Variants in PCDH9 observed in about 807,000 individuals in gnomAD.
PCDH9 encodes the protein protocadherin-9.
A neutral mutation model predicts 70.6 loss-of-function variants in PCDH9; 24 were observed. That is an observed-to-expected ratio of 0.34 (90% CI 0.25 to 0.48). The LOEUF (loss-of-function observed/expected upper bound fraction) is 0.48. PCDH9 is among the 20% of genes least tolerant of loss of function. The pLI is 0.99. For synonymous variants in PCDH9, 562 were observed against 558.5 expected (o/e 1.01, Z -0.09); for missense variants, 1,281 against 1,503.6 (o/e 0.85, Z 2.45).
At chr13:66,638,049 A>G (rs904844758) in intron 3 of PCDH9, among the ~76,000 whole-genome samples, 2 of 152,188 alleles carry the variant, frequency 1.3e-5, no homozygotes, top group Non-Finnish European at 2.9e-5. Flanking sequence ...CTGATTTCCA[A>G]TATAAAGGTA....
intron 2 of PCDH9, among the ~76,000 whole-genome samples, chr13:67,041,529 C>A (rs1266563362): frequency 6.6e-6 from 1 of 152,034 alleles, no homozygotes; most frequent in African/African-American, 2.4e-5. Flanking sequence ...AAACAGGTAC[C>A]CTAAGACTGT....
chr13:66,391,237 C>T (rs906750516), intron 4 of PCDH9, among the ~76,000 whole-genome samples: 3 of 152,166 alleles, frequency 2.0e-5, no homozygotes, highest in Admixed American at 6.5e-5. Context: ...TTGTGCTACA[C>T]TAAGTGATCA....
chr13:67,100,580 A>T (rs1323376905), intron 2 of PCDH9, among the ~76,000 whole-genome samples: 1 of 152,252 alleles, frequency 6.6e-6, no homozygotes, highest in African/African-American at 2.4e-5. Context: ...AAACTGAAGA[A>T]ATAAGCACAA....
intron 4 of PCDH9, among the ~76,000 whole-genome samples, chr13:66,410,269 T>C (rs1957346882): frequency 1.3e-5 from 2 of 152,024 alleles, no homozygotes. Context: ...TGGAGAAATG[T>C]GATTCTCTAT....
chr13:66,694,707 C>A (rs1438198746), intron 3 of PCDH9, among the ~76,000 whole-genome samples: 1 of 151,604 alleles, frequency 6.6e-6, no homozygotes, highest in African/African-American at 2.4e-5. Flanking sequence ...ACTGTGATAT[C>A]ATATATATTG....
chr13:66,646,476 G>A (rs954135179), intron 3 of PCDH9, among the ~76,000 whole-genome samples: 3 of 152,198 alleles, frequency 2.0e-5, no homozygotes, highest in South Asian at 2.1e-4. Flanking sequence ...CTTAGCACAC[G>A]ACAAGAAATA....
rs1381429967 is a variant in PCDH9 at position 67,107,790 on chromosome 13, C to G, written c.3036+117615G>C. Among the ~76,000 whole-genome samples, 3 of 152,312 alleles carry G rather than the reference C, an allele frequency of 2.0e-5. No individual in the cohort carries two copies. The East Asian group carries it at 5.8e-4, about 29-fold the overall frequency. ...CAGGGCTGAAATGCCCCCTTGCTCACCATATTGCAGGCAACAAGGAGAGAA... is the reference window on the plus strand; with the variant it reads ...CAGGGCTGAAATGCCCCCTTGCTCAGCATATTGCAGGCAACAAGGAGAGAA... On this transcript the variant is annotated intron_variant, in intron 2 of 4. Coordinates refer to ENST00000377865, the MANE Select transcript of PCDH9 (RefSeq NM_203487.3).
chr13:66,316,631 G>T (rs1955655804), intron 4 of PCDH9, among the ~76,000 whole-genome samples: 1 of 152,176 alleles, frequency 6.6e-6, no homozygotes, highest in African/African-American at 2.4e-5. Flanking sequence ...TTCACTTCAT[G>T]TAGGTGTCCT....
chr13:66,795,478 G>C lies in PCDH9; in HGVS notation c.3138+108026C>G, dbSNP rs149240922. Among the ~76,000 whole-genome samples, 262 of 152,080 alleles carry C rather than the reference G, an allele frequency of 1.7e-3. 6 individuals carry two copies. The highest frequency in any genetic ancestry group is 6.0e-3 in the African/African-American group (249 of 41,486). ...TAGCTTTAATTAATTAATTCCAGCC[G>C]ATATATGACTGGGGGAAAATATCAC... is the stretch of plus-strand genomic sequence containing the variant. On this transcript the variant is annotated intron_variant, in intron 3 of 4. Coordinates refer to ENST00000377865, the MANE Select transcript of PCDH9 (RefSeq NM_203487.3).
intron 3 of PCDH9, among the ~76,000 whole-genome samples, chr13:66,689,214 T>TA (rs1479752517): frequency 6.6e-6 from 1 of 152,078 alleles, no homozygotes; most frequent in African/African-American, 2.4e-5. Flanking sequence ...ACAGGCTATT[T>TA]AAAAAAGACT....
intron 4 of PCDH9, among the ~76,000 whole-genome samples, chr13:66,400,518 T>A (rs1957168163): frequency 6.6e-6 from 1 of 152,188 alleles, no homozygotes; most frequent in Admixed American, 6.5e-5. Context: ...TCATACTATA[T>A]CCAGATACCT....
At chr13:67,088,750 T>C (rs1321181167) in intron 2 of PCDH9, among the ~76,000 whole-genome samples, 2 of 152,060 alleles carry the variant, frequency 1.3e-5, no homozygotes, top group Non-Finnish European at 2.9e-5. Context: ...TGTCCTAAGT[T>C]CTGTAACATC....
chr13:66,641,042 T>G (rs1351384811), intron 3 of PCDH9, among the ~76,000 whole-genome samples: 9 of 152,086 alleles, frequency 5.9e-5, no homozygotes, highest in African/African-American at 2.2e-4. Context: ...ATTCAGCTAA[T>G]TTTTGTATTT....
At chr13:66,380,384 C>T (rs993639007) in intron 4 of PCDH9, among the ~76,000 whole-genome samples, 3 of 151,864 alleles carry the variant, frequency 2.0e-5, no homozygotes, top group Admixed American at 6.6e-5. Flanking sequence ...TTTCCTTAAG[C>T]GTTCACACTG....
intron 4 of PCDH9, among the ~76,000 whole-genome samples, chr13:66,346,881 A>C (rs1956219952): frequency 6.6e-6 from 1 of 152,190 alleles, no homozygotes; most frequent in African/African-American, 2.4e-5. Flanking sequence ...TATTTGTATT[A>C]ATTTTAAATA....
intron 4 of PCDH9, among the ~76,000 whole-genome samples, chr13:66,318,576 G>C (rs1955696917): frequency 6.6e-6 from 1 of 152,060 alleles, no homozygotes; most frequent in Non-Finnish European, 1.5e-5. Context: ...CAAAATTTTA[G>C]GAAAGCCTGT....
intron 4 of PCDH9, among the ~76,000 whole-genome samples, chr13:66,380,701 G>A (rs1187458388): frequency 6.6e-6 from 1 of 151,790 alleles, no homozygotes; most frequent in Non-Finnish European, 1.5e-5. Flanking sequence ...CCGCCACCAC[G>A]CCCGGCTAAT....
intron 4 of PCDH9, among the ~76,000 whole-genome samples, chr13:66,520,836 AC>A (rs1173677611): frequency 1.3e-5 from 2 of 152,018 alleles, no homozygotes; most frequent in Non-Finnish European, 2.9e-5. Flanking sequence ...ACATCAGGAA[AC>A]CCTTGTCTTC....
intron 3 of PCDH9, among the ~76,000 whole-genome samples, chr13:66,773,414 G>T (rs2079840358): frequency 6.6e-6 from 1 of 151,952 alleles, no homozygotes. Context: ...GGATCGCGAG[G>T]TCAGGAGATA....
Sources: gnomAD v4.1 joint callset for allele counts (sites outside exome capture counted in the v4.1 genomes callset) on GRCh38, gnomAD v4.1.1 for gene constraint, MANE v1.5 for transcripts, NCBI Gene and HGNC (gene_info 2026-07-23, HGNC 2026-07-21) for gene names.